The following LAMA4 variants were observed in gnomAD, a reference collection of about 807,000 sequenced individuals.
LAMA4 encodes laminin subunit alpha 4, also known as laminin subunit alpha-4.
A neutral mutation model predicts 207.1 loss-of-function variants in LAMA4; 127 were observed. The observed-to-expected ratio is 0.61, with a 90% CI of 0.53 to 0.71. The LOEUF is 0.71. Ranked by LOEUF, LAMA4 falls within the 30% of genes least tolerant of loss-of-function variation. The pLI, the probability that LAMA4 is intolerant of heterozygous loss-of-function variation, is 0.00. For missense variants in LAMA4, 2,093 were observed against 2,246.5 expected, an observed-to-expected ratio of 0.93 and a Z score of 1.38; for synonymous variants, 761 against 816.0, an observed-to-expected ratio of 0.93 and a Z score of 1.15.
rs782742106 is a variant in LAMA4 at position 112,109,539 on chromosome 6, T to C, written c.5370A>G (p.Thr1790=). The stretch of plus-strand genomic sequence containing the variant: ...CAATCACAAAGTGGCGTATGCAGCC[T>C]GTGAAGGGTTTGCTGGGGGCCAAGC... ...TPRLAPSKPF[T]GCIRHFVIDG... Residue 1790 remains threonine, a synonymous_variant, in exon 39 of 39, where the codon ACA becomes ACG. Coordinates refer to ENST00000230538, the MANE Select transcript of LAMA4 (RefSeq NM_001105206.3). 1.2e-6 allele frequency: 2 copies of C among 1,614,066 alleles called. No homozygotes were observed. Among genetic ancestry groups the C allele is most frequent in the Admixed American group, 1.7e-5 (1 of 59,994 alleles).
intron 2 of LAMA4, among the ~76,000 whole-genome samples, chr6:112,249,247 A>G (rs1638713216): frequency 6.6e-6 from 1 of 152,210 alleles, no homozygotes; most frequent in African/African-American, 2.4e-5. Flanking sequence ...GATAGAGACT[A>G]TCTTGGCCAA....
chr6:112,192,919 A>G (rs925918028), intron 5 of LAMA4, among the ~76,000 whole-genome samples: 6 of 152,318 alleles, frequency 3.9e-5, no homozygotes, highest in African/African-American at 1.4e-4. Context: ...GCCATATTTT[A>G]TTTTTGGAGA....
intron 7 of LAMA4, 81 bp from the exon 8 acceptor site, chr6:112,187,682 T>C: frequency 7.4e-7 from 1 of 1,347,746 alleles, no homozygotes; most frequent in Non-Finnish European, 1.0e-6. Flanking sequence ...TAAATCTCTA[T>C]TTCCTTGGTT....
At chr6:112,131,199 T>C in intron 28 of LAMA4, 98 bp from the exon 29 acceptor site, 1 of 1,092,902 alleles carries the variant, frequency 9.1e-7, no homozygotes, top group Non-Finnish European at 1.4e-6. Context: ...AAAGGCAATA[T>C]AGTGTGTAGG....
chr6:112,128,492 G>A (rs1554328375), intron 31 of LAMA4, among the ~76,000 whole-genome samples: 1 of 152,116 alleles, frequency 6.6e-6, no homozygotes, highest in Non-Finnish European at 1.5e-5. Context: ...TAGATAGGAG[G>A]AAATTGTTCT....
intron 3 of LAMA4, among the ~76,000 whole-genome samples, chr6:112,213,370 C>T (rs1554357410): frequency 6.6e-6 from 1 of 152,114 alleles, no homozygotes; most frequent in Non-Finnish European, 1.5e-5. Context: ...GTTTTTTCCC[C>T]TCAATTTTTA....
chr6:112,136,236 C>G lies in LAMA4; in HGVS notation c.3301G>C (p.Glu1101Gln). 6.2e-7 allele frequency: 1 copy of G among 1,611,558 alleles called. No homozygotes were observed. The highest frequency in any genetic ancestry group is 8.5e-7 in the Non-Finnish European group (1 of 1,178,038). Residue 1101 changes from glutamate (E) to glutamine (Q), a missense_variant, in exon 25 of 39, where the codon GAA becomes CAA. Physicochemically the swap from Glu to Gln is conservative, Grantham distance 29. Around this residue, in one of 3 missense-constraint regions of LAMA4, gnomAD observed 1,704 missense variants for 1,788.4 expected, o/e 0.95. Coordinates refer to ENST00000230538, the MANE Select transcript of LAMA4 (RefSeq NM_001105206.3). ...ACATGTAGGTAACCATTGCGCATTT[C>G]CAGTCTGAAAAACATACTCTGAGGA... ...MVNGSMFFRLEMRNGYLHVFY... is the reference protein window; with the variant it reads ...MVNGSMFFRLQMRNGYLHVFY...
At chr6:112,160,225 T>G (rs1780968396) in intron 13 of LAMA4, among the ~76,000 whole-genome samples, 1 of 152,156 alleles carries the variant, frequency 6.6e-6, no homozygotes, top group African/African-American at 2.4e-5. Context: ...TTTCCCCAGC[T>G]TTTTGCAACC....
chr6:112,122,244 G>A (rs1554326396), intron 31 of LAMA4, 43 bp from the exon 32 acceptor site: 4 of 1,443,256 alleles, frequency 2.8e-6, no homozygotes, highest in Non-Finnish European at 3.9e-6. Flanking sequence ...TGACATACTA[G>A]CAGCAAAAAG....
chr6:112,113,382 C>A (rs1777818035), intron 38 of LAMA4, among the ~76,000 whole-genome samples: 1 of 152,180 alleles, frequency 6.6e-6, no homozygotes, highest in Non-Finnish European at 1.5e-5. Context: ...ACTCCCCAGC[C>A]ATAGCATTCA....
rs149174710 is a variant in LAMA4 at position 112,153,509 on chromosome 6, A to G, written c.2056+1342T>C. On this transcript the variant is annotated intron_variant, in intron 16 of 38. Coordinates refer to ENST00000230538, the MANE Select transcript of LAMA4 (RefSeq NM_001105206.3). ...TATGGAACTTTGAAGGGATGTGGGT[A>G]GGGATCGATTAATGGTTAAATTTAA... Among the ~76,000 whole-genome samples the G allele has an allele frequency of 9.3e-3, 1,410 of 152,236 alleles. 20 individuals are homozygous for G. The highest frequency in any genetic ancestry group is 0.033 in the African/African-American group (1,354 of 41,572).
At chr6:112,229,558 T>C (rs895678672) in intron 2 of LAMA4, among the ~76,000 whole-genome samples, 2 of 152,178 alleles carry the variant, frequency 1.3e-5, no homozygotes, top group African/African-American at 4.8e-5. Context: ...ACAACAAAAT[T>C]TCGCATGGTC....
At chr6:112,152,333 A>G (rs2114763206) in intron 16 of LAMA4, among the ~76,000 whole-genome samples, 1 of 152,230 alleles carries the variant, frequency 6.6e-6, no homozygotes, top group South Asian at 2.1e-4. Context: ...ATACATATGT[A>G]TGTACATACA....
chr6:112,213,929 G>A (rs782539388), intron 3 of LAMA4: 2 of 605,140 alleles, frequency 3.3e-6, no homozygotes, highest in South Asian at 2.2e-5. Flanking sequence ...CAGGCAACCT[G>A]CAAGAACTGA....
intron 28 of LAMA4, 31 bp from the exon 29 acceptor site, chr6:112,131,132 G>A: frequency 6.2e-7 from 1 of 1,609,724 alleles, no homozygotes; most frequent in Non-Finnish European, 8.5e-7. Context: ...TGTAAGTAGG[G>A]AGTCTAGGGA....
At chr6:112,234,499 A>T (rs1415061875) in intron 2 of LAMA4, 2 of 151,972 alleles carry the variant, frequency 1.3e-5, no homozygotes, top group African/African-American at 4.8e-5. Flanking sequence ...ATTTGAACTA[A>T]CTCAAAGGAA....
intron 2 of LAMA4, among the ~76,000 whole-genome samples, chr6:112,223,347 T>A (rs1361269000): frequency 1.3e-5 from 2 of 152,224 alleles, no homozygotes; most frequent in Non-Finnish European, 2.9e-5. Context: ...GGATTTTGAT[T>A]TGACTCCTTA....
At chr6:112,140,582 G>A (rs1554332874) in intron 22 of LAMA4, among the ~76,000 whole-genome samples, 178 bp downstream of exon 22, 1 of 152,166 alleles carries the variant, frequency 6.6e-6, no homozygotes. Flanking sequence ...ATGAAAATAT[G>A]AGTAGCATAG....
At position 112,131,045 on chromosome 6, in the gene LAMA4, T is replaced by G. The variant is rs782538213; in HGVS notation, c.3891A>C (p.Gly1297=). The part of the protein sequence containing the change: ...DNGTVIMDVK[G]IKVQSVDKQY... ...GCTTATCTACTGACTGAACTTTGAT[T>G]CCCTTTACATCCATGATGACAGTAC... Residue 1297 remains glycine (G), a synonymous_variant, in exon 29 of 39, where the codon GGA becomes GGC. Transcript: ENST00000230538. The G allele has an allele frequency of 1.9e-6, 3 of 1,613,012 alleles. 1 individual carries two copies. In the South Asian group the frequency reaches 3.3e-5, roughly 18 times the overall value.
Sources: allele counts gnomAD v4.1 joint callset (sites outside exome capture counted in the v4.1 genomes callset), GRCh38; gene constraint gnomAD v4.1.1; regional missense constraint gnomAD v4.1.1; transcripts MANE v1.5; gene names NCBI Gene and HGNC (gene_info 2026-07-23, HGNC 2026-07-21).